Variants in FAM13A observed in about 807,000 individuals in gnomAD.
FAM13A encodes family with sequence similarity 13 member A.
FAM13A carries 76 observed loss-of-function variants against 129.6 expected under a neutral mutation model. That is an observed-to-expected ratio of 0.59 (90% confidence interval 0.49 to 0.71). The LOEUF is 0.71. Ranked by LOEUF, FAM13A falls within the 30% of genes least tolerant of loss-of-function variation. FAM13A has a pLI of 0.00. For synonymous variants in FAM13A, 443 were observed against 449.9 expected (o/e 0.98, Z 0.20); for missense variants, 1,108 against 1,249.3 (o/e 0.89, Z 1.70).
At chr4:88,960,015 T>A (rs996600840) in intron 4 of FAM13A, among the ~76,000 whole-genome samples, 1 of 152,210 alleles carries the variant, frequency 6.6e-6, no homozygotes, top group Non-Finnish European at 1.5e-5. Context: ...TAAATCGCTT[T>A]GAGAATGACT....
intron 6 of FAM13A, among the ~76,000 whole-genome samples, chr4:88,899,907 T>C (rs1208760963): frequency 6.6e-6 from 1 of 152,056 alleles, no homozygotes; most frequent in Non-Finnish European, 1.5e-5. Context: ...TAGGAGCTGA[T>C]AGCCAGAACA....
At position 88,942,845 on chromosome 4, in the gene FAM13A, CA is replaced by C. The variant is rs1037613392; in HGVS notation, c.606-4605del. On this transcript the variant is annotated intron_variant, in intron 4 of 23. Coordinates refer to ENST00000264344, the MANE Select transcript of FAM13A (RefSeq NM_014883.4). ...CTTTGATATCAACAATACACTGATGCAAAACTAGTATTTGGTTTCCTGTTTT... is the reference window on the plus strand; with the variant it reads ...CTTTGATATCAACAATACACTGATGCAAACTAGTATTTGGTTTCCTGTTTT... 6.5e-4 allele frequency among the ~76,000 whole-genome samples: 99 copies of C among 152,204 alleles called. 1 individual carries two copies. The highest frequency in any genetic ancestry group is 2.2e-3 in the African/African-American group (91 of 41,536).
chr4:88,976,564 A>G (rs929257353), intron 4 of FAM13A, among the ~76,000 whole-genome samples: 2 of 152,200 alleles, frequency 1.3e-5, no homozygotes, highest in Non-Finnish European at 2.9e-5. Flanking sequence ...GGGTGGTTCC[A>G]TAAGTTTATA....
At chr4:88,947,384 G>C (rs1756080166) in intron 4 of FAM13A, among the ~76,000 whole-genome samples, 1 of 152,140 alleles carries the variant, frequency 6.6e-6, no homozygotes, top group Non-Finnish European at 1.5e-5. Context: ...ATTCTAACTT[G>C]GGTGACAGAG....
chr4:88,763,555 C>A (rs991977752), intron 13 of FAM13A, among the ~76,000 whole-genome samples: 2 of 152,202 alleles, frequency 1.3e-5, no homozygotes, highest in Non-Finnish European at 2.9e-5. Flanking sequence ...TCAGTCTAAT[C>A]TTTGCCAAGA....
chr4:88,921,623 C>T (rs1025025963), intron 5 of FAM13A, among the ~76,000 whole-genome samples: 11 of 152,156 alleles, frequency 7.2e-5, no homozygotes, highest in African/African-American at 2.4e-4. Flanking sequence ...ACCTTCGAGA[C>T]TAGGAAGAAA....
At chr4:88,931,218 T>C (rs1383725570) in intron 5 of FAM13A, among the ~76,000 whole-genome samples, 1 of 152,064 alleles carries the variant, frequency 6.6e-6, no homozygotes, top group Non-Finnish European at 1.5e-5. Flanking sequence ...GCTGTGTCTG[T>C]AGATGATGGG....
rs1293158680 is a variant in FAM13A at position 88,748,952 on chromosome 4, C to A, written c.2161G>T (p.Glu721Ter). Residue 721 changes from glutamate (E) to a stop codon, truncating the protein, a stop_gained and splice_region_variant, in exon 17 of 24, where the codon GAA (glutamate) becomes TAA (stop). Coordinates refer to ENST00000264344, the MANE Select transcript of FAM13A (RefSeq NM_014883.4). LOFTEE classifies it high-confidence loss of function. ...GCCACAGCTCCAGAATTTTACCCAC[C>A]TTTAAGTTGTCTCCGGAATTTGGCA... ...DLAKFRRQLK[E>*]SKLKISEEDL... 1 of 1,611,654 alleles carries A rather than the reference C, an allele frequency of 6.2e-7. No homozygotes were observed.
At chr4:88,961,773 G>A (rs1758662163) in intron 4 of FAM13A, among the ~76,000 whole-genome samples, 1 of 152,106 alleles carries the variant, frequency 6.6e-6, no homozygotes, top group Non-Finnish European at 1.5e-5. Flanking sequence ...AGACTTGAGG[G>A]TCTAACTCAA....
chr4:89,051,412 C>A (rs1408768085), intron 1 of FAM13A, among the ~76,000 whole-genome samples: 1 of 152,178 alleles, frequency 6.6e-6, no homozygotes, highest in Admixed American at 6.5e-5. Flanking sequence ...CAAATATCAT[C>A]ACATTGGAGA....
intron 6 of FAM13A, among the ~76,000 whole-genome samples, chr4:88,856,519 C>G (rs1283845401): frequency 6.6e-6 from 1 of 151,800 alleles, no homozygotes; most frequent in African/African-American, 2.4e-5. Flanking sequence ...AACAAAAAAC[C>G]AAAAAACCCC....
intron 6 of FAM13A, among the ~76,000 whole-genome samples, chr4:88,896,357 A>G (rs1245825672): frequency 1.3e-5 from 2 of 152,136 alleles, no homozygotes; most frequent in Non-Finnish European, 2.9e-5. Context: ...CCAGCGTGGC[A>G]CACGTATACA....
intron 4 of FAM13A, among the ~76,000 whole-genome samples, chr4:88,944,074 T>C (rs1177290951): frequency 6.6e-6 from 1 of 152,222 alleles, no homozygotes; most frequent in Non-Finnish European, 1.5e-5. Context: ...TCAATAAGAA[T>C]TTGCTCTTGC....
chr4:88,911,915 T>C (rs1749143089), intron 5 of FAM13A, among the ~76,000 whole-genome samples: 1 of 152,218 alleles, frequency 6.6e-6, no homozygotes, highest in Non-Finnish European at 1.5e-5. Context: ...CTTCCTCACC[T>C]CCAATTCATT....
intron 23 of FAM13A, chr4:88,729,204 A>G (rs1737088755): frequency 6.5e-6 from 1 of 152,954 alleles, no homozygotes; most frequent in African/African-American, 2.4e-5. Context: ...TAATATTTAT[A>G]TGCACAAGTA....
At chr4:88,916,745 TA>T (rs566650708) in intron 5 of FAM13A, among the ~76,000 whole-genome samples, 124 of 152,304 alleles carry the variant, frequency 8.1e-4, no homozygotes, top group African/African-American at 2.9e-3. Context: ...CTACCTAGCC[TA>T]GGGGCCTTCC....
intron 7 of FAM13A, among the ~76,000 whole-genome samples, chr4:88,829,639 G>A (rs1035951883): frequency 6.6e-6 from 1 of 152,164 alleles, no homozygotes; most frequent in Non-Finnish European, 1.5e-5. Context: ...TAGTTTTCCA[G>A]CAAACTGTGT....
At position 89,026,553 on chromosome 4, in the gene FAM13A, G is replaced by C. The variant is rs191566861; in HGVS notation, c.217+2907C>G. Among the ~76,000 whole-genome samples, 78 of 152,314 alleles carry C rather than the reference G, an allele frequency of 5.1e-4. 1 individual carries two copies. The highest frequency in any genetic ancestry group is 4.2e-3 in the Admixed American group (65 of 15,298). On this transcript the variant is annotated intron_variant, in intron 2 of 23. Coordinates refer to ENST00000264344, the MANE Select transcript of FAM13A (RefSeq NM_014883.4). ...GTTCAGCATGGCTGGGGAGGCCTCA[G>C]GAAACTTACAATCATGGCAGAAGGC... is the stretch of plus-strand genomic sequence containing the variant.
rs552633965 is a variant in FAM13A at position 88,824,971 on chromosome 4, G to A, written c.1008-19919C>T. Reference sequence around the variant, plus strand: ...GATCCGCCCACCTCGGCCTCCCAAAGTGCTGGGATTACTGGCTTAAGCTTA... The same window carrying A: ...GATCCGCCCACCTCGGCCTCCCAAAATGCTGGGATTACTGGCTTAAGCTTA... On this transcript the variant is annotated intron_variant, in intron 7 of 23. Transcript: ENST00000264344. Among the ~76,000 whole-genome samples, 11 of 152,224 alleles carry A rather than the reference G, an allele frequency of 7.2e-5. 1 individual carries two copies. The South Asian group carries it at 2.3e-3, about 32-fold the overall frequency.
Sources: allele counts gnomAD v4.1 joint callset (sites outside exome capture counted in the v4.1 genomes callset), GRCh38; gene constraint gnomAD v4.1.1; transcripts MANE v1.5; gene names NCBI Gene and HGNC (gene_info 2026-07-23, HGNC 2026-07-21).